The following PGM3 variants were observed in gnomAD, a reference collection of about 807,000 sequenced individuals.
The protein encoded by PGM3 is phosphoacetylglucosamine mutase.
Under a neutral mutation model 66.2 loss-of-function variants are expected in PGM3, and 40 were observed. The observed-to-expected ratio is 0.60, with a 90% CI of 0.47 to 0.79. The LOEUF is 0.79. PGM3 is among the 30% of genes least tolerant of loss of function. The pLI is 0.00. For missense variants in PGM3, 537 were observed against 643.4 expected, an observed-to-expected ratio of 0.83 and a Z score of 1.79; for synonymous variants, 191 against 224.2, an observed-to-expected ratio of 0.85 and a Z score of 1.32.
upstream of PGM3, chr6:83,193,585 C>A (rs971360141): frequency 6.6e-6 from 1 of 152,058 alleles, no homozygotes; most frequent in Non-Finnish European, 1.5e-5. Context: ...GCCGGGGTTC[C>A]TAGTGGTCTT....
At position 83,172,084 on chromosome 6, in the gene PGM3, G is replaced by A. The variant is rs768250123; in HGVS notation, c.1243-25C>T. ...CCTGCAAATGGGGAAACAAATGGAA[G>A]AAACCACTTAACACAAGCAAATCTT... is the stretch of plus-strand genomic sequence containing the variant. On this transcript the variant is annotated intron_variant, in intron 10 of 12. Coordinates refer to ENST00000513973, the MANE Select transcript of PGM3 (RefSeq NM_015599.3). 2.9e-5 allele frequency: 46 copies of A among 1,612,298 alleles called. No individual in the cohort carries two copies. The South Asian group carries it at 3.3e-4, about 12-fold the overall frequency.
Position 83,178,672 on chromosome 6 carries a change from C to G in PGM3, c.1029+1G>C, listed in dbSNP as rs1562420049. On this transcript the variant is annotated splice_donor_variant, in intron 8 of 12. Transcript: ENST00000513973. LOFTEE classifies it high-confidence loss of function. ...ACCAGAAAACAAAAATGGTTCAATA[C>G]CTTCATAACTTCTTCAAGATACCGT... The G allele has an allele frequency of 1.3e-6, 2 of 1,565,262 alleles. No individual in the cohort carries two copies. The highest frequency in any genetic ancestry group is 1.8e-6 in the Non-Finnish European group (2 of 1,135,850).
chr6:83,177,139 C>T (rs758773524), intron 8 of PGM3, among the ~76,000 whole-genome samples: 32 of 148,278 alleles, frequency 2.2e-4, no homozygotes, highest in Non-Finnish European at 3.7e-4. Flanking sequence ...CTGTTTTTAG[C>T]CCCCTGCTGC....
chr6:83,150,633 T>C, the PGM3 span, among the ~76,000 whole-genome samples: 1 of 152,202 alleles, frequency 6.6e-6, no homozygotes, highest in African/African-American at 2.4e-5. Context: ...ATTTTACATA[T>C]TAGTTTGGAA....
At chr6:83,183,307 C>A (rs1788332804) in intron 4 of PGM3, among the ~76,000 whole-genome samples, 2 of 152,136 alleles carry the variant, frequency 1.3e-5, no homozygotes, top group Non-Finnish European at 2.9e-5. Flanking sequence ...AAGACAAAAA[C>A]CTCCTTTTAA....
At chr6:83,184,912 A>ACT (rs1279495825) in intron 4 of PGM3, among the ~76,000 whole-genome samples, 1 of 151,486 alleles carries the variant, frequency 6.6e-6, no homozygotes, top group African/African-American at 2.4e-5. Flanking sequence ...TTACCTCCCT[A>ACT]CTCTCTTCTC....
At chr6:83,162,938 A>G (rs1208338431), downstream of PGM3, 3 of 1,605,466 alleles carry the variant, frequency 1.9e-6, no homozygotes, top group African/African-American at 4.0e-5. Context: ...TTCTTTTGTG[A>G]TTGTTTTGTT....
At chr6:83,176,164 C>G (rs549153338) in intron 8 of PGM3, 104 bp from the exon 9 acceptor site, 3 of 685,154 alleles carry the variant, frequency 4.4e-6, no homozygotes, top group Non-Finnish European at 8.0e-6. Flanking sequence ...ATACTGGGGC[C>G]GAGTCCAGTG....
rs142328170 is a variant in PGM3, at chr6:83,190,975, T to C, written c.38A>G (p.His13Arg). ...LGAITKYSAL[H>R]AKPNGLILQY... ...AAGGATCAGTCCATTGGGCTTGGCG[T>C]GTAATGCTGAGTATTTTGTAATAGC... Residue 13 changes from histidine (H) to arginine (R), a missense_variant, in exon 2 of 13, where the codon CAC becomes CGC. Coordinates refer to ENST00000513973, the MANE Select transcript of PGM3 (RefSeq NM_015599.3). 129 of 1,614,132 alleles carry C rather than the reference T, an allele frequency of 8.0e-5. No individual in the cohort carries two copies. The Middle Eastern group carries it at 6.3e-3, about 78-fold the overall frequency.
In PGM3 at chr6:83,171,918, T is replaced by C; in HGVS notation, c.1365+19A>G. The stretch of plus-strand genomic sequence containing the variant: ...CTTAGCTAATATTCAAAAAAGTTAC[T>C]TTAAAGTTTCTCTCACACCTGAACT... On this transcript the variant is annotated intron_variant, in intron 11 of 12. Coordinates refer to ENST00000513973, the MANE Select transcript of PGM3 (RefSeq NM_015599.3). 1 of 1,599,848 alleles carries C rather than the reference T, an allele frequency of 6.3e-7. No homozygotes were observed. Among genetic ancestry groups the C allele is most frequent in the Non-Finnish European group, 8.6e-7 (1 of 1,169,578 alleles).
At chr6:83,152,211 TACACACACAC>T in the PGM3 span, 9 of 698,732 alleles carry the variant, frequency 1.3e-5, no homozygotes, top group Non-Finnish European at 2.0e-5. Context: ...ATAAAAATAA[TACACACACAC>T]ACACACACAC....
the PGM3 span, chr6:83,153,994 C>G: frequency 6.2e-7 from 1 of 1,613,940 alleles, no homozygotes; most frequent in East Asian, 2.2e-5. Context: ...AGCTTTTGAC[C>G]TCTTTATGGA....
chr6:83,167,943 A>G lies in PGM3; in HGVS notation c.*1291T>C, dbSNP rs781099969. 8 of 1,614,190 alleles carry G rather than the reference A, an allele frequency of 5.0e-6. No individual in the cohort carries two copies. Among genetic ancestry groups the G allele is most frequent in the Non-Finnish European group, 6.8e-6 (8 of 1,180,028 alleles). On this transcript the variant is annotated 3_prime_UTR_variant, in exon 13 of 13. Coordinates refer to ENST00000513973, the MANE Select transcript of PGM3 (RefSeq NM_015599.3). ...GCTGCTCACCATCTGCACCGTGCGC[A>G]GTATGGAGCAGCTCCTGCCGTTCTT...
At chr6:83,160,049 G>A, downstream of PGM3, 3 of 1,299,132 alleles carry the variant, frequency 2.3e-6, no homozygotes, top group South Asian at 4.2e-5. Flanking sequence ...AAAGTTTTTT[G>A]TGTAAGTTGA....
In PGM3 at chr6:83,178,776, C is replaced by G. The variant is rs188649466; in HGVS notation, c.946-20G>C. The G allele has an allele frequency of 6.1e-6, 8 of 1,312,982 alleles. No individual in the cohort carries two copies. The African/African-American group carries it at 1.2e-4, about 19-fold the overall frequency. 81.3% of individuals were successfully genotyped at this position (1,312,982 alleles called of 1,614,324 possible). On this transcript the variant is annotated intron_variant, in intron 7 of 12. Transcript: ENST00000513973. ...TCCAATCTAGACAAAAACAATGATA[C>G]TTAACTTGCCATCAAAAGTATGGTC...
At chr6:83,186,278 G>A (rs1175294075) in intron 4 of PGM3, among the ~76,000 whole-genome samples, 1 of 152,108 alleles carries the variant, frequency 6.6e-6, no homozygotes, top group African/African-American at 2.4e-5. Flanking sequence ...TCAAGGAGAG[G>A]TAAGGATACA....
chr6:83,181,808 C>A lies in PGM3; in HGVS notation c.715G>T (p.Asp239Tyr). 1 of 1,614,084 alleles carries A rather than the reference C, an allele frequency of 6.2e-7. No individual in the cohort carries two copies. Among genetic ancestry groups the A allele is most frequent in the Non-Finnish European group, 8.5e-7 (1 of 1,179,974 alleles). ...SQGLSVQLFNDGSKGKLNHLC... is the reference protein window; with the variant it reads ...SQGLSVQLFNYGSKGKLNHLC... The stretch of plus-strand genomic sequence containing the variant: ...TGATTGAGTTTGCCCTTGGACCCAT[C>A]ATTAAACAGCTGAACTGACAGGCCC... Residue 239 changes from aspartate to tyrosine, a missense_variant, in exon 6 of 13, where the codon GAT becomes TAT. Coordinates refer to ENST00000513973, the MANE Select transcript of PGM3 (RefSeq NM_015599.3).
rs1785518262 is a variant in PGM3 at position 83,166,237 on chromosome 6, TCAACATTGAGTTCTTGGG to T, written c.*2979_*2996del. 7 of 515,116 alleles carry T rather than the reference TCAACATTGAGTTCTTGGG, an allele frequency of 1.4e-5. No homozygotes were observed. Among genetic ancestry groups the T allele is most frequent in the Admixed American group, 3.5e-5 (1 of 28,808 alleles). 31.9% of individuals were successfully genotyped at this position (515,116 alleles called of 1,614,324 possible). A position where few individuals can be genotyped will look rare whatever the true frequency, so the allele number is the denominator to read the frequency against. On this transcript the variant is annotated 3_prime_UTR_variant, in exon 13 of 13. Coordinates refer to ENST00000513973, the MANE Select transcript of PGM3 (RefSeq NM_015599.3). ...CAAATGCCGAACGACCATAAAATGG[TCAACATTGAGTTCTTGGG>T]CAGCTCTCTTATAGTTGTAAGAGGA...
Position 83,182,876 on chromosome 6 carries a change from A to G in PGM3, c.560T>C (p.Leu187Pro). 1 of 1,614,062 alleles carries G rather than the reference A, an allele frequency of 6.2e-7. No homozygotes were observed. Among genetic ancestry groups the G allele is most frequent in the Non-Finnish European group, 8.5e-7 (1 of 1,179,946 alleles). The change falls in exon 5 of 13, where the codon CTC becomes CCC. Residue 187 changes from leucine to proline, a missense_variant. Transcript: ENST00000513973. The stretch of plus-strand genomic sequence containing the variant: ...GGTGAGTTCCACAAAAGCCTTAGAG[A>G]GTTTCTGGTAGTAACCTTCTATAGT... The part of the protein sequence containing the change: ...KATIEGYYQK[L>P]SKAFVELTKQ...
Sources: allele counts gnomAD v4.1 joint callset (sites outside exome capture counted in the v4.1 genomes callset), GRCh38; gene constraint gnomAD v4.1.1; transcripts MANE v1.5; gene names NCBI Gene and HGNC (gene_info 2026-07-23, HGNC 2026-07-21).